LRRTM4: variants seen among roughly 807,000 people sequenced by gnomAD.
LRRTM4 encodes the protein leucine-rich repeat transmembrane neuronal protein 4.
In LRRTM4, 25 loss-of-function variants were observed where a neutral mutation model predicts 47.6. The ratio of observed to expected loss-of-function variants is 0.53; its 90% CI spans 0.38 to 0.73. The LOEUF (loss-of-function observed/expected upper bound fraction) is 0.73, where lower values mean the gene tolerates loss of function less well. Among genes scored for constraint, LRRTM4 ranks in the 30% least tolerant of loss-of-function variants. The probability of loss-of-function intolerance (pLI) is 0.00; values close to 1 mark genes in which losing one functional copy is unlikely to be tolerated. For missense variants in LRRTM4, 638 were observed against 713.4 expected (o/e 0.89, Z 1.20); for synonymous variants, 311 against 269.5 (o/e 1.15, Z -1.51).
chr2:76,852,745 T>C (rs2103977969), intron 3 of LRRTM4, among the ~76,000 whole-genome samples: 1 of 152,258 alleles, frequency 6.6e-6, no homozygotes, highest in South Asian at 2.1e-4. Context: ...TGGAGTGAGA[T>C]ATACAAACAC....
intron 3 of LRRTM4, among the ~76,000 whole-genome samples, chr2:77,038,806 A>G (rs1381135103): frequency 1.3e-5 from 2 of 151,418 alleles, no homozygotes; most frequent in Non-Finnish European, 3.0e-5. Flanking sequence ...CTTCTTTCTT[A>G]CACTACTGCT....
intron 3 of LRRTM4, among the ~76,000 whole-genome samples, chr2:77,314,495 C>T (rs1013686744): frequency 1.1e-4 from 16 of 152,042 alleles, no homozygotes; most frequent in African/African-American, 1.9e-4. Flanking sequence ...TCATATTTAC[C>T]GCTTTTCAAT....
At chr2:76,969,797 C>T (rs757641342) in intron 3 of LRRTM4, among the ~76,000 whole-genome samples, 12 of 151,874 alleles carry the variant, frequency 7.9e-5, no homozygotes, top group Non-Finnish European at 1.3e-4. Flanking sequence ...TTCATTAAAC[C>T]TCACAACCAA....
In LRRTM4 at chr2:77,518,546, C is replaced by A; in HGVS notation, c.1323G>T (p.Leu441Phe). Reference sequence around the variant, plus strand: ...AGCGTTTCCAAGACACATAGATCACCAAGAGGATCATGGCCACTGAGAGAA... The same window carrying A: ...AGCGTTTCCAAGACACATAGATCACAAAGAGGATCATGGCCACTGAGAGAA... ...ALFLSVAMIL[L>F]VIYVSWKRYP... The change falls in exon 3 of 4, where the codon TTG becomes TTT. Residue 441 changes from leucine (L) to phenylalanine (F), a missense_variant. Transcript: ENST00000409884. 1 of 1,613,282 alleles carries A rather than the reference C, an allele frequency of 6.2e-7. No individual in the cohort carries two copies. Among genetic ancestry groups the A allele is most frequent in the Non-Finnish European group, 8.5e-7 (1 of 1,179,582 alleles).
chr2:77,002,433 A>G (rs6706194), intron 3 of LRRTM4, among the ~76,000 whole-genome samples: 34,768 of 152,038 alleles, frequency 0.23, 4,381 homozygotes, highest in East Asian at 0.41. Flanking sequence ...TACATTTTCA[A>G]ATAAATAGTA....
chr2:76,873,512 A>ATATG (rs1460653432), intron 3 of LRRTM4, among the ~76,000 whole-genome samples: 12 of 145,006 alleles, frequency 8.3e-5, no homozygotes, highest in African/African-American at 3.0e-4. Flanking sequence ...GTGTGTATAT[A>ATATG]TATATATATA....
chr2:76,817,735 A>C (rs1573162376), intron 3 of LRRTM4, among the ~76,000 whole-genome samples: 1 of 151,962 alleles, frequency 6.6e-6, no homozygotes, highest in East Asian at 1.9e-4. Flanking sequence ...TAAAATGAAA[A>C]GTGCTTTAAA....
intron 3 of LRRTM4, among the ~76,000 whole-genome samples, chr2:77,372,397 A>G (rs942073458): frequency 6.6e-6 from 1 of 151,714 alleles, no homozygotes; most frequent in African/African-American, 2.4e-5. Flanking sequence ...TATCTGTTAT[A>G]CATTTTGCTA....
intron 3 of LRRTM4, among the ~76,000 whole-genome samples, chr2:77,285,696 C>T (rs1199378057): frequency 6.6e-6 from 1 of 151,720 alleles, no homozygotes; most frequent in South Asian, 2.1e-4. Context: ...GAGCTGAGAT[C>T]GTACCATTGC....
intron 3 of LRRTM4, among the ~76,000 whole-genome samples, chr2:77,315,833 T>C (rs1310003666): frequency 6.6e-6 from 1 of 152,206 alleles, no homozygotes; most frequent in African/African-American, 2.4e-5. Flanking sequence ...CCCTTTCTCT[T>C]AGCTTCTATG....
intron 3 of LRRTM4, among the ~76,000 whole-genome samples, chr2:77,400,751 C>T (rs1673918835): frequency 6.6e-6 from 1 of 151,828 alleles, no homozygotes; most frequent in African/African-American, 2.4e-5. Flanking sequence ...GTCTTTCTTC[C>T]TGATCCTAGA....
At chr2:77,134,094 G>T (rs1376431317) in intron 3 of LRRTM4, among the ~76,000 whole-genome samples, 1 of 151,882 alleles carries the variant, frequency 6.6e-6, no homozygotes, top group Non-Finnish European at 1.5e-5. Flanking sequence ...CTACTTATCT[G>T]TATTTTATCA....
intron 3 of LRRTM4, among the ~76,000 whole-genome samples, chr2:77,048,755 G>A (rs1679316479): frequency 6.6e-6 from 1 of 151,408 alleles, no homozygotes; most frequent in Non-Finnish European, 1.5e-5. Flanking sequence ...CTCATTTATT[G>A]TTTCTTTGTG....
chr2:77,283,092 T>TC (rs1188255187), intron 3 of LRRTM4, among the ~76,000 whole-genome samples: 1 of 151,932 alleles, frequency 6.6e-6, no homozygotes, highest in African/African-American at 2.4e-5. Flanking sequence ...AACAAAAGAC[T>TC]AATACCCAGA....
chr2:77,086,476 AT>A lies in LRRTM4; in HGVS notation c.1552-337561del, dbSNP rs762359320. ...TCATGATTGCAGGTTACATATAATA[AT>A]TTTTTTTTTTTTTTTTTGAAATGGA... On this transcript the variant is annotated intron_variant, in intron 3 of 3. Transcript: ENST00000409884. Among the ~76,000 whole-genome samples the A allele has an allele frequency of 8.8e-3, 1,158 of 131,084 alleles. 6 individuals carry two copies. The highest frequency in any genetic ancestry group is 0.02 in the African/African-American group (684 of 33,948). 86.0% of individuals were successfully genotyped at this position (131,084 alleles called of 152,430 possible).
chr2:77,248,385 T>C (rs752487291), intron 3 of LRRTM4, among the ~76,000 whole-genome samples: 1 of 152,062 alleles, frequency 6.6e-6, no homozygotes, highest in Non-Finnish European at 1.5e-5. Flanking sequence ...TTCTGATTAA[T>C]AAAATCAAAC....
At chr2:77,496,276 A>T (rs894578653) in intron 3 of LRRTM4, among the ~76,000 whole-genome samples, 1 of 151,938 alleles carries the variant, frequency 6.6e-6, no homozygotes, top group South Asian at 2.1e-4. Context: ...TGGCTTTACC[A>T]CAGATTGTTT....
At chr2:77,224,019 C>T (rs899754271) in intron 3 of LRRTM4, among the ~76,000 whole-genome samples, 90 of 151,538 alleles carry the variant, frequency 5.9e-4, no homozygotes, top group African/African-American at 2.0e-3. Context: ...GAGATATAGA[C>T]CAATGGAACA....
chr2:76,927,696 T>C lies in LRRTM4; in HGVS notation c.1552-178780A>G, dbSNP rs138621098. On this transcript the variant is annotated intron_variant, in intron 3 of 3. Coordinates refer to ENST00000409884, the MANE Select transcript of LRRTM4 (RefSeq NM_001134745.3). ...AATGAATATATATCATTTAGTATCC[T>C]TGATTGTGTATTATGTCCTCAGTTT... Among the ~76,000 whole-genome samples the C allele has an allele frequency of 5.1e-3, 775 of 152,260 alleles. 12 individuals carry two copies. The highest frequency in any genetic ancestry group is 0.017 in the African/African-American group (725 of 41,558).
Sources: gnomAD v4.1 joint callset for allele counts (sites outside exome capture counted in the v4.1 genomes callset) on GRCh38, gnomAD v4.1.1 for gene constraint, MANE v1.5 for transcripts, NCBI Gene and HGNC (gene_info 2026-07-23, HGNC 2026-07-21) for gene names.